The following UNC5C variants were observed in gnomAD, a reference collection of about 807,000 sequenced individuals.
UNC5C encodes netrin receptor UNC5C.
In UNC5C, 47 loss-of-function variants were observed where a neutral mutation model predicts 99.8. The observed-to-expected ratio is 0.47, with a 90% CI of 0.37 to 0.60. The LOEUF (loss-of-function observed/expected upper bound fraction) is 0.60, where lower values mean the gene tolerates loss of function less well. Ranked by LOEUF, UNC5C falls within the 20% of genes least tolerant of loss-of-function variation. The pLI is 0.00. For missense variants in UNC5C, 1,062 were observed against 1,165.9 expected, an observed-to-expected ratio of 0.91 and a Z score of 1.30; for synonymous variants, 487 against 452.2, an observed-to-expected ratio of 1.08 and a Z score of -0.98.
At chr4:95,547,736 T>G (rs1723110170) in intron 1 of UNC5C, among the ~76,000 whole-genome samples, 1 of 152,196 alleles carries the variant, frequency 6.6e-6, no homozygotes, top group Non-Finnish European at 1.5e-5. Context: ...GCCTTGGCTC[T>G]TTCTTCTGCG....
Position 95,192,866 on chromosome 4 carries a change from A to G in UNC5C, c.2137-7670T>C, listed in dbSNP as rs914950635. 3.4e-4 allele frequency among the ~76,000 whole-genome samples: 52 copies of G among 152,266 alleles called. 1 individual carries two copies. The highest frequency in any genetic ancestry group is 1.2e-3 in the African/African-American group (49 of 41,554). On this transcript the variant is annotated intron_variant, in intron 12 of 15. Coordinates refer to ENST00000453304, the MANE Select transcript of UNC5C (RefSeq NM_003728.4). ...CAGTTTTTCAAGGGGCAGTTATGCTATTTGTGGATTATATGATCCATAGCT... is the reference window on the plus strand; with the variant it reads ...CAGTTTTTCAAGGGGCAGTTATGCTGTTTGTGGATTATATGATCCATAGCT...
At chr4:95,531,611 A>C (rs1388212578) in intron 1 of UNC5C, among the ~76,000 whole-genome samples, 1 of 152,246 alleles carries the variant, frequency 6.6e-6, no homozygotes, top group Non-Finnish European at 1.5e-5. Flanking sequence ...TTGTCAAAAA[A>C]TCAAAATATC....
At chr4:95,440,903 TTA>T (rs1178005077) in intron 1 of UNC5C, among the ~76,000 whole-genome samples, 2 of 152,206 alleles carry the variant, frequency 1.3e-5, no homozygotes, top group East Asian at 3.8e-4. Flanking sequence ...TAAGTAATTT[TTA>T]TAATACTCTT....
At chr4:95,212,396 C>T (rs573325299) in intron 10 of UNC5C, among the ~76,000 whole-genome samples, 5 of 152,116 alleles carry the variant, frequency 3.3e-5, no homozygotes, top group Non-Finnish European at 5.9e-5. Context: ...ATTTATACCG[C>T]GGTTTGTCTG....
rs550361290 is a variant in UNC5C, at chr4:95,198,235, C to T, written c.2136+4496G>A. Among the ~76,000 whole-genome samples, 399 of 152,104 alleles carry T rather than the reference C, an allele frequency of 2.6e-3. 2 individuals carry two copies. Among genetic ancestry groups the T allele is most frequent in the Middle Eastern group, 0.017 (5 of 292 alleles). Reference sequence around the variant, plus strand: ...AACTCCTGACCTCAGGTGATCCACCCGCCTTGGCCTCCCAAAGTGCTGGGA... The same window carrying T: ...AACTCCTGACCTCAGGTGATCCACCTGCCTTGGCCTCCCAAAGTGCTGGGA... On this transcript the variant is annotated intron_variant, in intron 12 of 15. Coordinates refer to ENST00000453304, the MANE Select transcript of UNC5C (RefSeq NM_003728.4).
chr4:95,184,658 G>A (rs969554413), intron 13 of UNC5C, among the ~76,000 whole-genome samples: 4 of 152,078 alleles, frequency 2.6e-5, no homozygotes, highest in Admixed American at 2.6e-4. Flanking sequence ...TCAATGTAAG[G>A]GTACTGGCCT....
At chr4:95,438,573 G>A (rs1746857942) in intron 1 of UNC5C, among the ~76,000 whole-genome samples, 1 of 152,020 alleles carries the variant, frequency 6.6e-6, no homozygotes, top group African/African-American at 2.4e-5. Context: ...CATAGAGATA[G>A]CAATAATATA....
In UNC5C at chr4:95,294,091, G is replaced by C. The variant is rs570806675; in HGVS notation, c.490+7515C>G. On this transcript the variant is annotated intron_variant, in intron 3 of 15. Transcript: ENST00000453304. ...ATTTCATAAATACTTGTTGATATTG[G>C]TAATACTGTTGAAATGATAGTTTAG... Among the ~76,000 whole-genome samples the C allele has an allele frequency of 4.6e-5, 7 of 152,310 alleles. No homozygotes were observed. The South Asian group carries it at 1.4e-3, about 32-fold the overall frequency.
intron 1 of UNC5C, among the ~76,000 whole-genome samples, chr4:95,501,640 GAAGTA>G (rs1048619369): frequency 3.3e-4 from 50 of 152,132 alleles, no homozygotes; most frequent in African/African-American, 1.1e-3. Flanking sequence ...CAATAATTTT[GAAGTA>G]AAGTGGTTTT....
At chr4:95,526,611 T>C (rs1560494701) in intron 1 of UNC5C, among the ~76,000 whole-genome samples, 1 of 152,080 alleles carries the variant, frequency 6.6e-6, no homozygotes, top group Non-Finnish European at 1.5e-5. Context: ...GTTTTTAATT[T>C]GTGTCTTCAA....
At chr4:95,174,521 A>C (rs1736255430) in intron 14 of UNC5C, among the ~76,000 whole-genome samples, 1 of 152,158 alleles carries the variant, frequency 6.6e-6, no homozygotes, top group Non-Finnish European at 1.5e-5. Flanking sequence ...ATTCAGGAGC[A>C]GGTTGTTCAG....
intron 5 of UNC5C, 51 bp from the exon 6 acceptor site, chr4:95,245,195 A>G (rs1466376307): frequency 6.7e-7 from 1 of 1,486,460 alleles, no homozygotes; most frequent in African/African-American, 1.4e-5. Context: ...TGCATGCACA[A>G]CACACATGGA....
At chr4:95,303,281 A>G (rs1246232110) in intron 2 of UNC5C, among the ~76,000 whole-genome samples, 1 of 152,184 alleles carries the variant, frequency 6.6e-6, no homozygotes, top group East Asian at 1.9e-4. Context: ...CTGAATAGGA[A>G]TCTCTGGAGG....
rs1287905378 is a variant in UNC5C, at chr4:95,516,959, G to C, written c.124+31775C>G. Among the ~76,000 whole-genome samples the C allele has an allele frequency of 3.9e-5, 6 of 152,186 alleles. No homozygotes were observed. The East Asian group carries it at 1.2e-3, about 29-fold the overall frequency. On this transcript the variant is annotated intron_variant, in intron 1 of 15. Transcript: ENST00000453304. The stretch of plus-strand genomic sequence containing the variant: ...GAAGTCCCCAGGATAGAGGCTTCCG[G>C]GGAGCATGATGTCATGCAACAGCAC...
chr4:95,185,835 C>T (rs747353827), intron 12 of UNC5C, among the ~76,000 whole-genome samples: 16 of 151,896 alleles, frequency 1.1e-4, no homozygotes, highest in South Asian at 6.2e-4. Flanking sequence ...GAAAATATTC[C>T]GATACAGATT....
rs1233865990 is a variant in UNC5C, at chr4:95,164,348, ATAAT to A, written c.*4882_*4885del. ...TTATGCCTTATTCCATTAAAAAGAA[ATAAT>A]TAGAGATGCAAAGGAAATCTTCCAA... On this transcript the variant is annotated 3_prime_UTR_variant, in exon 16 of 16. Coordinates refer to ENST00000453304, the MANE Select transcript of UNC5C (RefSeq NM_003728.4). The A allele has an allele frequency of 2.6e-5, 4 of 152,352 alleles. No homozygotes were observed. Among genetic ancestry groups the A allele is most frequent in the East Asian group, 3.9e-4 (2 of 5,186 alleles). The allele number at this position is 152,352 out of a possible 1,614,324, so 9.4% of individuals were successfully genotyped here.
rs1267681994 is a variant in UNC5C, at chr4:95,431,220, C to T, written c.125-95589G>A. Among the ~76,000 whole-genome samples, 7 of 152,056 alleles carry T rather than the reference C, an allele frequency of 4.6e-5. No individual in the cohort carries two copies. In the South Asian group the frequency reaches 1.2e-3, roughly 27 times the overall value. On this transcript the variant is annotated intron_variant, in intron 1 of 15. Transcript: ENST00000453304. Reference sequence around the variant, plus strand: ...GTTCCCTTCCTGTGCAGTTTCCTAGCACCCCTTATGCTCACCCCCATACCA... The same window carrying T: ...GTTCCCTTCCTGTGCAGTTTCCTAGTACCCCTTATGCTCACCCCCATACCA...
chr4:95,430,196 C>A (rs1746596086), intron 1 of UNC5C, among the ~76,000 whole-genome samples: 1 of 151,968 alleles, frequency 6.6e-6, no homozygotes, highest in Non-Finnish European at 1.5e-5. Flanking sequence ...GGTTCATCAA[C>A]TGTAAGAAAT....
chr4:95,522,899 G>A (rs553906985), intron 1 of UNC5C, among the ~76,000 whole-genome samples: 1 of 123,516 alleles, frequency 8.1e-6, no homozygotes, highest in East Asian at 2.3e-4. Context: ...TGCAATGCCA[G>A]GGACCAGAGC....
Sources: allele counts gnomAD v4.1 joint callset (sites outside exome capture counted in the v4.1 genomes callset), GRCh38; gene constraint gnomAD v4.1.1; transcripts MANE v1.5; gene names NCBI Gene and HGNC (gene_info 2026-07-23, HGNC 2026-07-21).